The following ACCSL variants were observed in gnomAD, a reference collection of about 807,000 sequenced individuals.
The protein encoded by ACCSL is probable inactive 1-aminocyclopropane-1-carboxylate synthase-like protein 2.
ACCSL carries 55 observed loss-of-function variants against 61.7 expected under a neutral mutation model. The observed-to-expected ratio is 0.89, with a 90% confidence interval of 0.72 to 1.12. The LOEUF is 1.12. ACCSL is among the 50% of genes most tolerant of loss of function. The pLI, the probability that ACCSL is intolerant of heterozygous loss-of-function variation, is 0.00. For missense variants in ACCSL, 632 were observed against 698.0 expected (o/e 0.91, Z 1.07); for synonymous variants, 258 against 264.3 (o/e 0.98, Z 0.23).
At chr11:43,924,491 C>T in the ACCSL span, among the ~76,000 whole-genome samples, 2 of 152,230 alleles carry the variant, frequency 1.3e-5, no homozygotes, top group Non-Finnish European at 2.9e-5. Context: ...TGAGGTGCTG[C>T]TCCCCGCAGG....
At chr11:43,993,353 G>A in the ACCSL span, among the ~76,000 whole-genome samples, 1 of 152,032 alleles carries the variant, frequency 6.6e-6, no homozygotes, top group Non-Finnish European at 1.5e-5. Flanking sequence ...CAGGGTTCTG[G>A]GACAGAGTTT....
the ACCSL span, among the ~76,000 whole-genome samples, chr11:43,968,497 TA>T: frequency 6.6e-6 from 1 of 152,198 alleles, no homozygotes; most frequent in Non-Finnish European, 1.5e-5. Flanking sequence ...TTTTTCTGCT[TA>T]CCTTTTTGCT....
chr11:43,963,295 C>T, the ACCSL span, among the ~76,000 whole-genome samples: 14 of 152,316 alleles, frequency 9.2e-5, no homozygotes, highest in East Asian at 1.9e-4. Flanking sequence ...CCCTTTTTCA[C>T]GGCATGAAGC....
the ACCSL span, among the ~76,000 whole-genome samples, chr11:43,974,873 T>A: frequency 6.6e-6 from 1 of 152,206 alleles, no homozygotes; most frequent in African/African-American, 2.4e-5. Flanking sequence ...TTTGAGACTC[T>A]GAGCCAGAAT....
At chr11:43,968,547 ACTTG>A in the ACCSL span, among the ~76,000 whole-genome samples, 1 of 152,144 alleles carries the variant, frequency 6.6e-6, no homozygotes, top group Non-Finnish European at 1.5e-5. Context: ...ATTTGCTGCC[ACTTG>A]CTTTTACTTT....
At chr11:44,000,525 CAAAAAAA>C in the ACCSL span, among the ~76,000 whole-genome samples, 4 of 108,804 alleles carry the variant, frequency 3.7e-5, no homozygotes, top group Admixed American at 9.8e-5. Flanking sequence ...GACTCTGTCT[CAAAAAAA>C]AAAAAAGAAA....
At chr11:43,960,221 A>T in the ACCSL span, among the ~76,000 whole-genome samples, 13 of 152,270 alleles carry the variant, frequency 8.5e-5, no homozygotes, top group African/African-American at 3.1e-4. Flanking sequence ...GAGGTTTATC[A>T]ATTAGCTGTC....
At chr11:43,998,629 G>T in the ACCSL span, among the ~76,000 whole-genome samples, 16 of 152,176 alleles carry the variant, frequency 1.1e-4, no homozygotes, top group Admixed American at 6.6e-5. Context: ...TTTACTTAAT[G>T]AATGTTTATT....
At position 44,053,420 on chromosome 11, in the gene ACCSL, A is replaced by G. The variant is rs1952651846; in HGVS notation, c.963A>G (p.Arg321=). The G allele has an allele frequency of 6.2e-7, 1 of 1,614,038 alleles. No homozygotes were observed. Among genetic ancestry groups the G allele is most frequent in the African/African-American group, 1.3e-5 (1 of 74,908 alleles). The part of the protein sequence containing the change: ...LEARLEGKKV[R]GLVLINPQNP... Reference sequence around the variant, plus strand: ...GTTTTTCTTAGGGGAAAAAGGTCCGAGGCCTTGTGCTAATCAACCCTCAGA... The same window carrying G: ...GTTTTTCTTAGGGGAAAAAGGTCCGGGGCCTTGTGCTAATCAACCCTCAGA... Residue 321 remains arginine (R), a synonymous_variant, in exon 8 of 14, where the codon CGA becomes CGG. Transcript: ENST00000378832.
the ACCSL span, among the ~76,000 whole-genome samples, chr11:44,040,942 C>T: frequency 2.4e-3 from 365 of 152,280 alleles, 4 homozygotes; most frequent in African/African-American, 8.5e-3. Flanking sequence ...CCCCTTTCCA[C>T]GTCCTACTCG....
the ACCSL span, among the ~76,000 whole-genome samples, chr11:44,042,149 T>G: frequency 6.6e-6 from 1 of 152,226 alleles, no homozygotes; most frequent in Non-Finnish European, 1.5e-5. Context: ...TTCATTAAAC[T>G]TCATCAAATC....
chr11:43,926,782 C>A, the ACCSL span, among the ~76,000 whole-genome samples: 1 of 152,354 alleles, frequency 6.6e-6, no homozygotes, highest in African/African-American at 2.4e-5. Flanking sequence ...CAGGGTCTCA[C>A]TCTTTTGCCC....
the ACCSL span, among the ~76,000 whole-genome samples, chr11:43,998,502 G>T: frequency 1.3e-5 from 2 of 152,194 alleles, no homozygotes; most frequent in East Asian, 3.9e-4. Context: ...TTAGCCTTGA[G>T]GGGCCCTGGT....
At chr11:43,987,494 A>G in the ACCSL span, among the ~76,000 whole-genome samples, 1 of 152,208 alleles carries the variant, frequency 6.6e-6, no homozygotes, top group African/African-American at 2.4e-5. Context: ...GCTTCTAGCA[A>G]GAAGTTGGCG....
chr11:43,929,816 G>C, the ACCSL span, among the ~76,000 whole-genome samples: 1 of 152,172 alleles, frequency 6.6e-6, no homozygotes, highest in South Asian at 2.1e-4. Flanking sequence ...AGAGTGCTGG[G>C]ATTACAGGTG....
the ACCSL span, among the ~76,000 whole-genome samples, chr11:44,016,187 C>T: frequency 4.6e-5 from 7 of 152,076 alleles, no homozygotes; most frequent in African/African-American, 7.2e-5. Context: ...ACTTTGGTAC[C>T]GGTGGCTCAA....
At chr11:44,057,112 G>T (rs1403137207) in intron 11 of ACCSL, among the ~76,000 whole-genome samples, 1 of 152,208 alleles carries the variant, frequency 6.6e-6, no homozygotes, top group Admixed American at 6.5e-5. Context: ...TGGGCAGGTT[G>T]GTGTGGCTAG....
intron 3 of ACCSL, 98 bp from the exon 4 acceptor site, chr11:44,051,237 A>G: frequency 2.5e-6 from 3 of 1,211,074 alleles, no homozygotes; most frequent in Non-Finnish European, 1.2e-6. Flanking sequence ...GGTTGGACTG[A>G]GTAGAAAAGG....
At chr11:44,047,292 T>G (rs1055538896), upstream of ACCSL, among the ~76,000 whole-genome samples, 3 of 152,072 alleles carry the variant, frequency 2.0e-5, 1 homozygote, top group African/African-American at 4.8e-5. Context: ...CAAGTGAGGA[T>G]AGAGGAACTG....
Sources: allele counts gnomAD v4.1 joint callset (sites outside exome capture counted in the v4.1 genomes callset), GRCh38; gene constraint gnomAD v4.1.1; transcripts MANE v1.5; gene names NCBI Gene and HGNC (gene_info 2026-07-23, HGNC 2026-07-21).